The following SPATA18 variants were observed in gnomAD, a reference collection of about 807,000 sequenced individuals.
SPATA18 encodes the protein mitochondria-eating protein.
A neutral mutation model predicts 68.1 loss-of-function variants in SPATA18; 54 were observed. The ratio of observed to expected loss-of-function variants is 0.79; its 90% CI spans 0.64 to 0.99. The LOEUF (loss-of-function observed/expected upper bound fraction) is 0.99. Among genes scored for constraint, SPATA18 ranks in the 50% least tolerant of loss-of-function variants. SPATA18 has a pLI of 0.00. For synonymous variants in SPATA18, 242 were observed against 244.8 expected, an observed-to-expected ratio of 0.99 and a Z score of 0.11; for missense variants, 724 against 681.1, an observed-to-expected ratio of 1.06 and a Z score of -0.70.
intron 3 of SPATA18, among the ~76,000 whole-genome samples, chr4:52,061,313 C>T (rs1011539121): frequency 4.0e-5 from 6 of 151,732 alleles, no homozygotes; most frequent in African/African-American, 1.2e-4. Context: ...CACAGCAGGG[C>T]CTGTTGGGGG....
chr4:52,090,117 G>A (rs1428092416), intron 11 of SPATA18, among the ~76,000 whole-genome samples: 1 of 151,396 alleles, frequency 6.6e-6, no homozygotes, highest in Non-Finnish European at 1.5e-5. Context: ...GCTTTTTTTT[G>A]CTTTCCATTT....
At position 52,076,983 on chromosome 4, in the gene SPATA18, G is replaced by A. The variant is rs137876001; in HGVS notation, c.963G>A (p.Leu321=). The part of the protein sequence containing the change: ...SQARLDAQCL[L]RRCIDKAETV... ...CCCGCCTGGACGCGCAGTGCCTGCT[G>A]CGGCGCTGCATCGACAAGGCTGAGA... Residue 321 remains leucine, a synonymous_variant, in exon 7 of 13, where the codon CTG becomes CTA. Transcript: ENST00000295213. The A allele has an allele frequency of 5.9e-4, 959 of 1,613,578 alleles. 3 individuals carry two copies. In the African/African-American group the frequency reaches 0.011, roughly 19 times the overall value.
intron 6 of SPATA18, among the ~76,000 whole-genome samples, chr4:52,074,411 G>A (rs1277512569): frequency 2.0e-5 from 3 of 152,182 alleles, no homozygotes; most frequent in Non-Finnish European, 4.4e-5. Flanking sequence ...CATATGAGAG[G>A]AAAAGTCATG....
rs751082125 is a variant in SPATA18 at position 52,069,893 on chromosome 4, G to A, written c.495G>A (p.Glu165=). Residue 165 remains glutamate (E), a synonymous_variant, in exon 5 of 13, where the codon GAG becomes GAA. Transcript: ENST00000295213. The part of the protein sequence containing the change: ...RSAISLLAAE[E]EINQLKKQLK... Reference sequence around the variant, plus strand: ...CCATATCCCTTTTGGCTGCAGAGGAGGAAATAAATCAGCTGAAAAAGCAGT... The same window carrying A: ...CCATATCCCTTTTGGCTGCAGAGGAAGAAATAAATCAGCTGAAAAAGCAGT... 1.9e-6 allele frequency: 3 copies of A among 1,588,868 alleles called. No individual in the cohort carries two copies. In the East Asian group the frequency reaches 6.7e-5, roughly 36 times the overall value.
chr4:52,081,541 T>C (rs6827593), intron 9 of SPATA18, among the ~76,000 whole-genome samples: 128,919 of 152,188 alleles, frequency 0.85, 58,535 homozygotes, highest in East Asian at 1. Context: ...GTGAACTGAC[T>C]GGCCTAGAGG....
At chr4:52,070,560 G>C (rs770077498) in intron 5 of SPATA18, among the ~76,000 whole-genome samples, 6 of 151,650 alleles carry the variant, frequency 4.0e-5, no homozygotes, top group Non-Finnish European at 7.4e-5. Flanking sequence ...GGGAGGGATA[G>C]CATTAGGAGA....
intron 11 of SPATA18, among the ~76,000 whole-genome samples, chr4:52,094,237 C>G (rs1483970255): frequency 6.6e-6 from 1 of 152,104 alleles, no homozygotes; most frequent in Non-Finnish European, 1.5e-5. Context: ...ATCATTTTAG[C>G]TTTAATTTGT....
chr4:52,083,528 T>C, intron 10 of SPATA18: 9 of 966,674 alleles, frequency 9.3e-6, no homozygotes, highest in Non-Finnish European at 8.6e-6. Flanking sequence ...GGCAGGAGGA[T>C]TGTTTGAGGA....
chr4:52,052,085 C>T (rs895802682), intron 1 of SPATA18, among the ~76,000 whole-genome samples: 2 of 152,184 alleles, frequency 1.3e-5, no homozygotes, highest in African/African-American at 4.8e-5. Flanking sequence ...ACGCCGGCGA[C>T]CTAGCAATAG....
chr4:52,057,680 T>C (rs1290188243), intron 1 of SPATA18, among the ~76,000 whole-genome samples: 1 of 152,202 alleles, frequency 6.6e-6, no homozygotes, highest in African/African-American at 2.4e-5. Context: ...CATATTTAAA[T>C]GTCTTTTCTA....
In SPATA18 at chr4:52,069,839, G is replaced by T. The variant is rs760710483; in HGVS notation, c.441G>T (p.Lys147Asn). ...CTTACAGTCTGGTTGAAACTGAAAA[G>T]AATCTTGAAGAAAGCAAGAACAGAT... Reference protein sequence around the residue: ...QVQDDLVETEKNLEESKNRSA... With the variant: ...QVQDDLVETENNLEESKNRSA... The change falls in exon 5 of 13, where the codon AAG (lysine) becomes AAT (asparagine). Residue 147 changes from lysine (K) to asparagine (N), a missense_variant. Lys to Asn is a moderately conservative substitution (Grantham distance 94). Coordinates refer to ENST00000295213, the MANE Select transcript of SPATA18 (RefSeq NM_145263.4). 6.9e-6 allele frequency: 11 copies of T among 1,584,640 alleles called. No homozygotes were observed. The South Asian group carries it at 1.2e-4, about 17-fold the overall frequency.
intron 5 of SPATA18, among the ~76,000 whole-genome samples, chr4:52,070,535 G>A (rs148104099): frequency 0.019 from 2,873 of 150,028 alleles, 69 homozygotes; most frequent in African/African-American, 0.059. Flanking sequence ...GGACTGTTGT[G>A]GGGTAGGGGG....
chr4:52,078,359 C>T (rs563548588), intron 7 of SPATA18: 13 of 157,410 alleles, frequency 8.3e-5, no homozygotes, highest in Non-Finnish European at 1.5e-4. Context: ...ATGTCTGAGT[C>T]TGGATATGTG....
At chr4:52,079,968 T>C (rs753806779) in intron 9 of SPATA18, 49 bp downstream of exon 9, 1 of 1,559,308 alleles carries the variant, frequency 6.4e-7, no homozygotes, top group South Asian at 1.2e-5. Context: ...GAATACATTG[T>C]CTTGTCTGTT....
intron 11 of SPATA18, among the ~76,000 whole-genome samples, chr4:52,089,705 A>G (rs993281565): frequency 2.0e-5 from 3 of 152,166 alleles, no homozygotes; most frequent in Non-Finnish European, 2.9e-5. Context: ...ACTTCCAATT[A>G]TGTGGTCAAT....
chr4:52,094,403 A>G (rs893130605), intron 11 of SPATA18, 124 bp from the exon 12 acceptor site: 3 of 775,466 alleles, frequency 3.9e-6, no homozygotes, highest in Non-Finnish European at 6.5e-6. Context: ...GTGAAAAATC[A>G]TAGTGCTAAA....
At position 52,060,818 on chromosome 4, in the gene SPATA18, G is replaced by A. The variant is rs752078295; in HGVS notation, c.230G>A (p.Arg77His). ...RNDGVETIKS[R>H]LLPWLEASFT... is the part of the protein sequence containing the mutation. ...GATGGTGTGGAAACAATCAAGTCAC[G>A]CCTTTTGCCTTGGCTGGAGGCTTCC... Residue 77 changes from arginine to histidine, a missense_variant, in exon 3 of 13, where the codon CGC (arginine) becomes CAC (histidine). Transcript: ENST00000295213. 1.2e-5 allele frequency: 20 copies of A among 1,613,890 alleles called. No individual in the cohort carries two copies. The highest frequency in any genetic ancestry group is 5.5e-5 in the South Asian group (5 of 91,082).
chr4:52,060,523 A>G lies in SPATA18; in HGVS notation c.192A>G (p.Glu64=). Residue 64 remains glutamate (E), a splice_region_variant and synonymous_variant, in exon 2 of 13, where the codon GAA becomes GAG. Transcript: ENST00000295213. The stretch of plus-strand genomic sequence containing the variant: ...GGATCCTCACAGCAGCAGCCCAAGA[A>G]GGTGAGAATGGCCTGTAATTTCCCA... ...LFGILTAAAQ[E]GGRNDGVETI... The G allele has an allele frequency of 6.2e-7, 1 of 1,613,590 alleles. No individual in the cohort carries two copies. The highest frequency in any genetic ancestry group is 1.1e-5 in the South Asian group (1 of 91,032).
At chr4:52,062,937 A>G (rs540402483) in intron 4 of SPATA18, among the ~76,000 whole-genome samples, 9 of 152,338 alleles carry the variant, frequency 5.9e-5, no homozygotes, top group Non-Finnish European at 1.0e-4. Flanking sequence ...GCAACAACAC[A>G]TATCAGATGC....
Sources: gnomAD v4.1 joint callset for allele counts (sites outside exome capture counted in the v4.1 genomes callset) on GRCh38, gnomAD v4.1.1 for gene constraint, MANE v1.5 for transcripts, NCBI Gene and HGNC (gene_info 2026-07-23, HGNC 2026-07-21) for gene names.